The following UGGT2 variants were observed in gnomAD, a reference collection of about 807,000 sequenced individuals.
UGGT2 encodes UDP-glucose:glycoprotein glucosyltransferase 2.
UGGT2 carries 180 observed loss-of-function variants against 192.1 expected under a neutral mutation model. That is an observed-to-expected ratio of 0.94 (90% CI 0.83 to 1.06). The LOEUF (loss-of-function observed/expected upper bound fraction) is 1.06. Among genes scored for constraint, UGGT2 ranks in the 50% least tolerant of loss-of-function variants. The probability of loss-of-function intolerance (pLI) is 0.00; values close to 1 mark genes in which losing one functional copy is unlikely to be tolerated. For missense variants in UGGT2, 1,849 were observed against 1,795.7 expected, an observed-to-expected ratio of 1.03 and a Z score of -0.54; for synonymous variants, 580 against 591.0, an observed-to-expected ratio of 0.98 and a Z score of 0.27.
chr13:96,023,006 C>A, intron 4 of UGGT2, 34 bp downstream of exon 4: 2 of 1,494,532 alleles, frequency 1.3e-6, no homozygotes, highest in Non-Finnish European at 1.8e-6. Flanking sequence ...CTCTCTATAA[C>A]CACTTCTTTC....
chr13:95,982,684 C>T (rs986180110), intron 10 of UGGT2, among the ~76,000 whole-genome samples: 1 of 152,006 alleles, frequency 6.6e-6, no homozygotes, highest in Non-Finnish European at 1.5e-5. Flanking sequence ...CTTTCTTTTG[C>T]GTATTAAGCC....
At chr13:95,972,550 G>C in intron 11 of UGGT2, 30 bp downstream of exon 11, 2 of 1,505,606 alleles carry the variant, frequency 1.3e-6, no homozygotes, top group Non-Finnish European at 1.8e-6. Context: ...ATAAACCATA[G>C]TTCATTTACA....
At chr13:95,885,948 GA>G (rs1039288151) in intron 26 of UGGT2, among the ~76,000 whole-genome samples, 3 of 150,200 alleles carry the variant, frequency 2.0e-5, no homozygotes, top group East Asian at 3.9e-4. Context: ...GAAGAAGAGG[GA>G]AAAAAAAGAC....
rs1889623322 is a variant in UGGT2 at position 95,856,428 on chromosome 13, TTC to T, written c.3826-90_3826-89del. 7 of 1,398,474 alleles carry T rather than the reference TTC, an allele frequency of 5.0e-6. No homozygotes were observed. In the Admixed American group the frequency reaches 1.8e-4, roughly 36 times the overall value. 86.6% of individuals were successfully genotyped at this position (1,398,474 alleles called of 1,614,324 possible). On this transcript the variant is annotated intron_variant, in intron 33 of 38. Transcript: ENST00000376747. ...AAAAATAACATTAAAAAGGTAAAGC[TTC>T]CTATAAATTGTTATAAACTAATAGG...
intron 9 of UGGT2, among the ~76,000 whole-genome samples, chr13:95,984,137 C>T (rs955484959): frequency 6.6e-6 from 1 of 152,154 alleles, no homozygotes. Context: ...GAAAACACTT[C>T]ATTGAAAAAG....
chr13:96,021,157 T>G (rs1176531181), intron 4 of UGGT2, among the ~76,000 whole-genome samples: 1 of 152,162 alleles, frequency 6.6e-6, no homozygotes, highest in African/African-American at 2.4e-5. Context: ...TCAAGGTTGC[T>G]CACTGCAAAC....
chr13:95,976,431 T>C (rs1003599005), intron 10 of UGGT2, among the ~76,000 whole-genome samples: 3 of 152,188 alleles, frequency 2.0e-5, no homozygotes, highest in African/African-American at 7.2e-5. Context: ...TTTGGGTATA[T>C]ATCCAGCAGT....
intron 16 of UGGT2, among the ~76,000 whole-genome samples, chr13:95,937,848 A>G (rs901540365): frequency 6.6e-6 from 1 of 152,178 alleles, no homozygotes; most frequent in African/African-American, 2.4e-5. Flanking sequence ...TACTTATGCA[A>G]TGGTAAATTC....
At chr13:95,867,513 G>GTT in intron 29 of UGGT2, 90 bp from the exon 30 acceptor site, 2 of 1,059,876 alleles carry the variant, frequency 1.9e-6, no homozygotes, top group Non-Finnish European at 1.4e-6. Flanking sequence ...TGCAATAAAC[G>GTT]TAAGTCCAAT....
Position 96,023,718 on chromosome 13 carries a change from C to T in UGGT2, c.283G>A (p.Gly95Arg), listed in dbSNP as rs754393744. ...ATGTGTAAATTGTCTAGAAACTGTC[C>T]AGCTTTCTTCAGGATTAAGTTGTAA... Reference protein sequence around the residue: ...SYYNLILKKAGQFLDNLHINL... With the variant: ...SYYNLILKKARQFLDNLHINL... Residue 95 changes from glycine to arginine, a missense_variant, in exon 3 of 39, where the codon GGA becomes AGA. Transcript: ENST00000376747. 9 of 1,608,438 alleles carry T rather than the reference C, an allele frequency of 5.6e-6. No homozygotes were observed. The highest frequency in any genetic ancestry group is 6.8e-6 in the Non-Finnish European group (8 of 1,176,218).
chr13:95,913,231 G>C (rs534027151), intron 20 of UGGT2, among the ~76,000 whole-genome samples: 43 of 152,228 alleles, frequency 2.8e-4, no homozygotes, highest in African/African-American at 1.0e-3. Flanking sequence ...AGCCAAAATT[G>C]ACAAATGGGA....
At position 95,949,351 on chromosome 13, in the gene UGGT2, C is replaced by A. The variant is rs201688380; in HGVS notation, c.1439G>T (p.Arg480Leu). The change falls in exon 13 of 39, where the codon CGC (arginine) becomes CTC (leucine). Residue 480 changes from arginine to leucine, a missense_variant. By Grantham distance (102) the Arg-to-Leu change is moderately radical (BLOSUM62 -2). Coordinates refer to ENST00000376747, the MANE Select transcript of UGGT2 (RefSeq NM_020121.4). ...VFPGSVPSIR[R>L]NFHNLVLFID... is the part of the protein sequence containing the mutation. Reference sequence around the variant, plus strand: ...AAAACTCACCAAATTATGAAAATTGCGCCTTATGGAAGGTACACTTCCAGG... The same window carrying A: ...AAAACTCACCAAATTATGAAAATTGAGCCTTATGGAAGGTACACTTCCAGG... The A allele has an allele frequency of 6.4e-7, 1 of 1,553,160 alleles. No individual in the cohort carries two copies. The highest frequency in any genetic ancestry group is 8.7e-7 in the Non-Finnish European group (1 of 1,149,250).
chr13:95,950,377 C>T (rs766533268), intron 12 of UGGT2, among the ~76,000 whole-genome samples: 1 of 151,914 alleles, frequency 6.6e-6, no homozygotes, highest in Non-Finnish European at 1.5e-5. Flanking sequence ...TCATTTGAGA[C>T]CCAGTAAGGC....
intron 34 of UGGT2, among the ~76,000 whole-genome samples, chr13:95,855,014 A>G (rs372255177): frequency 6.6e-6 from 1 of 151,074 alleles, no homozygotes; most frequent in Non-Finnish European, 1.5e-5. Context: ...AGAAAGAATC[A>G]TATTAGATAT....
rs7330457 is a variant in UGGT2, at chr13:95,914,738, G to A, written c.2295+10942C>T. 2.9e-3 allele frequency among the ~76,000 whole-genome samples: 437 copies of A among 151,748 alleles called. 3 individuals are homozygous for A. Among genetic ancestry groups the A allele is most frequent in the African/African-American group, 0.01 (424 of 41,312 alleles). The stretch of plus-strand genomic sequence containing the variant: ...TCACTTGAACCTACTAGGAGGTGGA[G>A]GATGCAGTGAGCCGAGACTGCATCA... On this transcript the variant is annotated intron_variant, in intron 20 of 38. Coordinates refer to ENST00000376747, the MANE Select transcript of UGGT2 (RefSeq NM_020121.4).
At chr13:95,945,567 T>C (rs1249450461) in intron 15 of UGGT2, among the ~76,000 whole-genome samples, 2 of 152,094 alleles carry the variant, frequency 1.3e-5, no homozygotes, top group Non-Finnish European at 2.9e-5. Context: ...AAAAAACACT[T>C]ACAAAACAGA....
chr13:95,982,993 G>C (rs1189711508), intron 10 of UGGT2, among the ~76,000 whole-genome samples: 1 of 152,086 alleles, frequency 6.6e-6, no homozygotes, highest in East Asian at 1.9e-4. Context: ...TCAGTATGAT[G>C]GGCACTGCTG....
rs1053356731 is a variant in UGGT2, at chr13:95,970,719, A to G, written c.1185-457T>C. Among the ~76,000 whole-genome samples the G allele has an allele frequency of 1.1e-4, 17 of 152,206 alleles. 1 individual carries two copies. Among genetic ancestry groups the G allele is most frequent in the African/African-American group, 3.9e-4 (16 of 41,460 alleles). On this transcript the variant is annotated intron_variant, in intron 11 of 38. Coordinates refer to ENST00000376747, the MANE Select transcript of UGGT2 (RefSeq NM_020121.4). Reference sequence around the variant, plus strand: ...AATACAAATTTAAATTTTTTATTACATATAATTTGAAAGTTCTTAAACATA... The same window carrying G: ...AATACAAATTTAAATTTTTTATTACGTATAATTTGAAAGTTCTTAAACATA...
chr13:95,901,396 A>G (rs909372644), intron 21 of UGGT2, among the ~76,000 whole-genome samples: 33 of 152,276 alleles, frequency 2.2e-4, no homozygotes, highest in African/African-American at 7.7e-4. Context: ...TATGGAAATA[A>G]TAAAAGTAAT....
Sources: allele counts gnomAD v4.1 joint callset (sites outside exome capture counted in the v4.1 genomes callset), GRCh38; gene constraint gnomAD v4.1.1; transcripts MANE v1.5; gene names NCBI Gene and HGNC (gene_info 2026-07-23, HGNC 2026-07-21).